Variants in LRRC8B observed in about 807,000 individuals in gnomAD.
LRRC8B encodes leucine rich repeat containing 8 VRAC subunit B, also known as volume-regulated anion channel subunit LRRC8B.
Under a neutral mutation model 58.8 loss-of-function variants are expected in LRRC8B, and 23 were observed. The ratio of observed to expected loss-of-function variants is 0.39; its 90% confidence interval spans 0.28 to 0.55. The LOEUF (loss-of-function observed/expected upper bound fraction) is 0.55, where lower values mean the gene tolerates loss of function less well. LRRC8B is among the 20% of genes least tolerant of loss of function. The pLI is 0.62. For missense variants in LRRC8B, 694 were observed against 936.0 expected (o/e 0.74, Z 3.37); for synonymous variants, 359 against 374.1 (o/e 0.96, Z 0.47).
intron 1 of LRRC8B, among the ~76,000 whole-genome samples, chr1:89,553,292 T>G (rs1651950265): frequency 6.6e-6 from 1 of 152,230 alleles, no homozygotes; most frequent in African/African-American, 2.4e-5. Context: ...ATGAAATGTT[T>G]GTCCATAATT....
intron 1 of LRRC8B, among the ~76,000 whole-genome samples, chr1:89,536,596 A>G (rs1487932384): frequency 6.6e-6 from 1 of 152,194 alleles, no homozygotes; most frequent in South Asian, 2.1e-4. Context: ...TGCATGAAGC[A>G]TATATGCTAG....
chr1:89,564,700 G>C (rs1159844580), intron 1 of LRRC8B, among the ~76,000 whole-genome samples: 8 of 152,134 alleles, frequency 5.3e-5, no homozygotes, highest in Non-Finnish European at 1.2e-4. Context: ...GAGGCAGGAA[G>C]GCATCAAATC....
chr1:89,593,143 G>A lies in LRRC8B; in HGVS notation c.*100G>A. The A allele has an allele frequency of 8.3e-7, 1 of 1,200,792 alleles. No homozygotes were observed. Among genetic ancestry groups the A allele is most frequent in the East Asian group, 2.4e-5 (1 of 42,092 alleles). The allele number at this position is 1,200,792 out of a possible 1,614,324, so 74.4% of individuals were successfully genotyped here. On this transcript the variant is annotated 3_prime_UTR_variant, in exon 6 of 6. Coordinates refer to ENST00000330947, the MANE Select transcript of LRRC8B (RefSeq NM_001369817.2). ...TAATCCCAGCACTTTGGGAGGCCAA[G>A]ATGGGCGGATTGCTTGAGGTCAGGA...
intron 1 of LRRC8B, among the ~76,000 whole-genome samples, chr1:89,535,380 T>G (rs1650454728): frequency 6.6e-6 from 1 of 151,960 alleles, no homozygotes; most frequent in Admixed American, 6.6e-5. Context: ...GGTTAGAACA[T>G]ATCACTCTTT....
At chr1:89,536,761 C>T (rs1650569905) in intron 1 of LRRC8B, among the ~76,000 whole-genome samples, 1 of 152,118 alleles carries the variant, frequency 6.6e-6, no homozygotes, top group East Asian at 1.9e-4. Flanking sequence ...CTTTTGATAC[C>T]GAGTATGATG....
intron 1 of LRRC8B, among the ~76,000 whole-genome samples, chr1:89,531,090 A>T (rs1440435243): frequency 6.6e-6 from 1 of 152,204 alleles, no homozygotes; most frequent in African/African-American, 2.4e-5. Flanking sequence ...CAAATTTAAG[A>T]TAAATTCTGT....
chr1:89,587,687 G>C (rs534142628), intron 5 of LRRC8B, among the ~76,000 whole-genome samples: 1 of 152,342 alleles, frequency 6.6e-6, no homozygotes, highest in East Asian at 1.9e-4. Context: ...CTTGGGCAGC[G>C]TATCAGGTTT....
chr1:89,550,294 TCC>T (rs916732910), intron 1 of LRRC8B, among the ~76,000 whole-genome samples: 1 of 152,220 alleles, frequency 6.6e-6, no homozygotes, highest in African/African-American at 2.4e-5. Flanking sequence ...CCTGATCTCC[TCC>T]CTATGTGTAT....
intron 1 of LRRC8B, among the ~76,000 whole-genome samples, chr1:89,559,423 T>C (rs1175048640): frequency 6.6e-6 from 1 of 151,906 alleles, no homozygotes; most frequent in Non-Finnish European, 1.5e-5. Flanking sequence ...GGTGGGACAA[T>C]TGCTTGTGTC....
intron 3 of LRRC8B, among the ~76,000 whole-genome samples, chr1:89,569,806 A>G (rs1306895764): frequency 6.6e-6 from 1 of 151,942 alleles, no homozygotes; most frequent in Non-Finnish European, 1.5e-5. Context: ...TATTTTATCA[A>G]CCAGGGATTA....
chr1:89,581,303 C>T (rs1654210063), intron 4 of LRRC8B, among the ~76,000 whole-genome samples: 2 of 147,524 alleles, frequency 1.4e-5, no homozygotes, highest in African/African-American at 4.9e-5. Context: ...AAAAAGGCTT[C>T]CTTGGGGATG....
rs909875032 is a variant in LRRC8B at position 89,582,683 on chromosome 1, A to G, written c.33A>G (p.Ala11=). The G allele has an allele frequency of 6.2e-7, 1 of 1,614,082 alleles. No homozygotes were observed. Among genetic ancestry groups the G allele is most frequent in the Non-Finnish European group, 8.5e-7 (1 of 1,179,928 alleles). Residue 11 remains alanine (A), a synonymous_variant, in exon 5 of 6, where the codon GCA becomes GCG. Coordinates refer to ENST00000330947, the MANE Select transcript of LRRC8B (RefSeq NM_001369817.2). MITLTELKCL[A]DAQSSYHILK... is the part of the protein sequence containing the mutation. Reference sequence around the variant, plus strand: ...CACTAACTGAGCTAAAATGCTTAGCAGATGCCCAGTCATCTTATCACATCT... The same window carrying G: ...CACTAACTGAGCTAAAATGCTTAGCGGATGCCCAGTCATCTTATCACATCT...
chr1:89,540,567 T>C (rs756582230), intron 1 of LRRC8B, among the ~76,000 whole-genome samples: 3 of 151,896 alleles, frequency 2.0e-5, no homozygotes, highest in African/African-American at 4.8e-5. Context: ...AGCATTGGAG[T>C]GGGAGTTGGA....
chr1:89,554,554 A>G (rs759576719), intron 1 of LRRC8B, among the ~76,000 whole-genome samples: 2 of 152,142 alleles, frequency 1.3e-5, no homozygotes, highest in Admixed American at 6.6e-5. Flanking sequence ...CTTTGCACCC[A>G]GCAGAAACTT....
In LRRC8B at chr1:89,584,764, A is replaced by AG. The variant is rs1378238224; in HGVS notation, c.2115dup (p.Tyr706ValfsTer10). On this transcript the variant is annotated frameshift_variant, in exon 5 of 6. Coordinates refer to ENST00000330947, the MANE Select transcript of LRRC8B (RefSeq NM_001369817.2). LOFTEE classifies it high-confidence loss of function. ...GAAATCCAGTATCTGAGTAATTTGC[A>AG]GTACTTTGCTGTGACCAACAACAAT... 3 of 1,609,306 alleles carry AG rather than the reference A, an allele frequency of 1.9e-6. No individual in the cohort carries two copies. The highest frequency in any genetic ancestry group is 2.5e-6 in the Non-Finnish European group (3 of 1,177,800).
intron 1 of LRRC8B, among the ~76,000 whole-genome samples, chr1:89,555,587 T>G (rs1410032174): frequency 8.5e-5 from 13 of 152,108 alleles, no homozygotes; most frequent in Admixed American, 8.5e-4. Flanking sequence ...AACAATTACT[T>G]ATAGGTTTGT....
intron 3 of LRRC8B, among the ~76,000 whole-genome samples, chr1:89,576,873 T>C (rs1653890967): frequency 6.6e-6 from 1 of 152,214 alleles, no homozygotes; most frequent in African/African-American, 2.4e-5. Context: ...ACTTGAAATA[T>C]GTTTAATGCT....
chr1:89,559,223 A>G (rs895036719), intron 1 of LRRC8B, among the ~76,000 whole-genome samples: 15 of 152,124 alleles, frequency 9.9e-5, no homozygotes, highest in African/African-American at 3.6e-4. Context: ...AATGCTCAGG[A>G]TGTCACCCGA....
In LRRC8B at chr1:89,596,465, T is replaced by C. The variant is rs1655309420; in HGVS notation, c.*3422T>C. Reference sequence around the variant, plus strand: ...GTATTTGCATAACATTGTTTGATAGTGAAAAATTTTTTTTCGGTTCAAGTG... The same window carrying C: ...GTATTTGCATAACATTGTTTGATAGCGAAAAATTTTTTTTCGGTTCAAGTG... On this transcript the variant is annotated 3_prime_UTR_variant, in exon 6 of 6. Transcript: ENST00000330947. 6.6e-6 allele frequency: 1 copy of C among 152,178 alleles called. No individual in the cohort carries two copies. Among genetic ancestry groups the C allele is most frequent in the Non-Finnish European group, 1.5e-5 (1 of 67,990 alleles). 9.4% of individuals were successfully genotyped at this position (152,178 alleles called of 1,614,324 possible).
Sources: gnomAD v4.1 joint callset for allele counts (sites outside exome capture counted in the v4.1 genomes callset) on GRCh38, gnomAD v4.1.1 for gene constraint, MANE v1.5 for transcripts, NCBI Gene and HGNC (gene_info 2026-07-23, HGNC 2026-07-21) for gene names.